SPDYE4: variants seen among roughly 807,000 people sequenced by gnomAD.
SPDYE4 encodes the protein speedy/RINGO cell cycle regulator family member E4.
In SPDYE4, 30 loss-of-function variants were observed where a neutral mutation model predicts 37.5. That is an observed-to-expected ratio of 0.80 (90% CI 0.60 to 1.09). The LOEUF is 1.09. Ranked by LOEUF, SPDYE4 falls within the 50% of genes least tolerant of loss-of-function variation. The pLI is 0.00. For missense variants in SPDYE4, 300 were observed against 307.9 expected (o/e 0.97, Z 0.19); for synonymous variants, 131 against 120.3 (o/e 1.09, Z -0.58).
At chr17:8,749,959 C>T (rs906537058), downstream of SPDYE4, among the ~76,000 whole-genome samples, 1 of 152,214 alleles carries the variant, frequency 6.6e-6, no homozygotes, top group Non-Finnish European at 1.5e-5. Context: ...TGTGGTTACA[C>T]AAACATCAAC....
rs1384401874 is a variant in SPDYE4 at position 8,751,473 on chromosome 17, A to C, written c.*809T>G. 6.6e-6 allele frequency among the ~76,000 whole-genome samples: 1 copy of C among 152,192 alleles called. No individual in the cohort carries two copies. Among genetic ancestry groups the C allele is most frequent in the Non-Finnish European group, 1.5e-5 (1 of 68,032 alleles). ...ATTCAGTAACAAACAGTAAACAGAA[A>C]ATAAACATTTCTATTTGCAAGAATG... On this transcript the variant is annotated 3_prime_UTR_variant, in exon 7 of 7. Transcript: ENST00000689094.
At chr17:8,756,249 C>T in intron 3 of SPDYE4, 129 bp downstream of exon 3, 1 of 860,852 alleles carries the variant, frequency 1.2e-6, no homozygotes, top group Admixed American at 2.3e-5. Flanking sequence ...TGTGGGCGCC[C>T]AAGAGTATGG....
intron 3 of SPDYE4, 132 bp from the exon 4 acceptor site, chr17:8,755,737 T>G: frequency 8.4e-7 from 1 of 1,192,092 alleles, no homozygotes; most frequent in Non-Finnish European, 1.2e-6. Flanking sequence ...TGGGTGACTA[T>G]GCTCATTGGG....
chr17:8,753,962 G>T (rs532231643), intron 4 of SPDYE4, among the ~76,000 whole-genome samples: 1 of 151,656 alleles, frequency 6.6e-6, no homozygotes, highest in African/African-American at 2.4e-5. Flanking sequence ...GTCTTCCCCC[G>T]TGCATCATAA....
Position 8,751,785 on chromosome 17 carries a change from TA to T in SPDYE4, c.*496del, listed in dbSNP as rs1233037760. 1.3e-5 allele frequency among the ~76,000 whole-genome samples: 2 copies of T among 152,256 alleles called. No homozygotes were observed. Among genetic ancestry groups the T allele is most frequent in the Non-Finnish European group, 2.9e-5 (2 of 68,004 alleles). On this transcript the variant is annotated 3_prime_UTR_variant, in exon 7 of 7. Coordinates refer to ENST00000689094, the MANE Select transcript of SPDYE4 (RefSeq NM_001394956.1). ...AATTCTATGGCCAACATTTGAAAAA[TA>T]AACCAACAAAATGTACAGTATCTAT...
chr17:8,757,198 T>C (rs2086779369), intron 2 of SPDYE4, 64 bp downstream of exon 2: 2 of 1,444,820 alleles, frequency 1.4e-6, no homozygotes, highest in Admixed American at 4.1e-5. Flanking sequence ...AAAGTGTGAT[T>C]ATTGAAAGAT....
chr17:8,747,608 A>G (rs1162477587), downstream of SPDYE4, among the ~76,000 whole-genome samples: 2 of 152,266 alleles, frequency 1.3e-5, no homozygotes, highest in Non-Finnish European at 2.9e-5. Context: ...AGGATATTCA[A>G]TGGGAATGAT....
downstream of SPDYE4, among the ~76,000 whole-genome samples, chr17:8,749,505 A>T (rs1033185108): frequency 6.6e-6 from 1 of 151,938 alleles, no homozygotes; most frequent in Admixed American, 6.6e-5. Flanking sequence ...TGATCTTGTG[A>T]TCTGCCCACC....
rs754409502 is a variant in SPDYE4 at position 8,753,359 on chromosome 17, G to T, written c.616C>A (p.Arg206Ser). ...KLRYQLLCSMRWRTWVSPEEM... is the reference protein window; with the variant it reads ...KLRYQLLCSMSWRTWVSPEEM... ...TCTGGGGAAACCCACGTCCTCCAGCGCATGGAACAGAGGAGCTGGTATCGA... is the reference window on the plus strand; with the variant it reads ...TCTGGGGAAACCCACGTCCTCCAGCTCATGGAACAGAGGAGCTGGTATCGA... The change falls in exon 5 of 7, where the codon CGC becomes AGC. Residue 206 changes from arginine (R) to serine (S), a missense_variant. Transcript: ENST00000689094. 6.8e-7 allele frequency: 1 copy of T among 1,468,766 alleles called. No homozygotes were observed. The allele number at this position is 1,468,766 out of a possible 1,614,324, so 91.0% of individuals were successfully genotyped here. A position where few individuals can be genotyped will look rare whatever the true frequency, so the allele number is the denominator to read the frequency against.
chr17:8,758,474 T>C lies in SPDYE4; in HGVS notation c.-92A>G, dbSNP rs1314526057. The C allele has an allele frequency of 8.3e-7, 1 of 1,201,612 alleles. No individual in the cohort carries two copies. The highest frequency in any genetic ancestry group is 1.3e-5 in the South Asian group (1 of 75,726). 74.4% of individuals were successfully genotyped at this position (1,201,612 alleles called of 1,614,324 possible). Reference sequence around the variant, plus strand: ...CAGACTCCGTTAGGACCCAGAAGAGTGCGTTTCTCTTCTAGAGGCTCGGGA... The same window carrying C: ...CAGACTCCGTTAGGACCCAGAAGAGCGCGTTTCTCTTCTAGAGGCTCGGGA... On this transcript the variant is annotated 5_prime_UTR_variant, in exon 1 of 7. Coordinates refer to ENST00000689094, the MANE Select transcript of SPDYE4 (RefSeq NM_001394956.1).
intron 1 of SPDYE4, 74 bp downstream of exon 1, chr17:8,758,200 G>T: frequency 7.9e-7 from 1 of 1,269,630 alleles, no homozygotes; most frequent in Non-Finnish European, 1.1e-6. Context: ...AGGTGCTTCA[G>T]ATTCCCAGTA....
At chr17:8,757,148 G>A in intron 2 of SPDYE4, 114 bp downstream of exon 2, 1 of 922,280 alleles carries the variant, frequency 1.1e-6, no homozygotes, top group Non-Finnish European at 1.7e-6. Context: ...CTCCTGCATG[G>A]AGCGCTCATC....
At chr17:8,756,307 G>A in intron 3 of SPDYE4, 71 bp downstream of exon 3, 1 of 1,459,600 alleles carries the variant, frequency 6.9e-7, no homozygotes, top group East Asian at 2.3e-5. Context: ...GAAACTGTGG[G>A]TTTAGACGCT....
chr17:8,756,734 T>C (rs1428388851), intron 2 of SPDYE4, among the ~76,000 whole-genome samples: 2 of 152,150 alleles, frequency 1.3e-5, no homozygotes, highest in Non-Finnish European at 2.9e-5. Flanking sequence ...GAAGTCATAA[T>C]AGAATTCCCA....
At chr17:8,755,024 T>C (rs865933416) in intron 4 of SPDYE4, among the ~76,000 whole-genome samples, 2 of 151,496 alleles carry the variant, frequency 1.3e-5, no homozygotes, top group African/African-American at 4.8e-5. Context: ...GAAGGGGGGG[T>C]GGGAGCTGTG....
At position 8,751,302 on chromosome 17, in the gene SPDYE4, AT is replaced by A. The variant is rs1271123746; in HGVS notation, c.*979del. Among the ~76,000 whole-genome samples the A allele has an allele frequency of 6.6e-6, 1 of 152,242 alleles. No homozygotes were observed. Among genetic ancestry groups the A allele is most frequent in the Non-Finnish European group, 1.5e-5 (1 of 68,036 alleles). On this transcript the variant is annotated 3_prime_UTR_variant, in exon 7 of 7. Transcript: ENST00000689094. ...TCATAAGAACAGTGTCTTTTAAAAA[AT>A]ACTTGTATTTCTAAACTAGTTAAAT...
chr17:8,750,589 A>G (rs1460612015), downstream of SPDYE4, among the ~76,000 whole-genome samples: 1 of 152,100 alleles, frequency 6.6e-6, no homozygotes, highest in Admixed American at 6.6e-5. Flanking sequence ...CTGTGCCTGT[A>G]GTCCCAGCTA....
At position 8,758,319 on chromosome 17, in the gene SPDYE4, G is replaced by A. The variant is rs1463425414; in HGVS notation, c.64C>T (p.Arg22Trp). Residue 22 changes from arginine to tryptophan, a missense_variant, in exon 1 of 7, where the codon CGG (arginine) becomes TGG (tryptophan). Transcript: ENST00000689094. ...TCATCCACCACCACCTCGGGGGACCGTACCGTTGTGCTAGGCTGGGGGCTC... is the reference window on the plus strand; with the variant it reads ...TCATCCACCACCACCTCGGGGGACCATACCGTTGTGCTAGGCTGGGGGCTC... ...EESPQPSTTV[R>W]SPEVVVDDEV... is the part of the protein sequence containing the mutation. 13 of 1,550,820 alleles carry A rather than the reference G, an allele frequency of 8.4e-6. No individual in the cohort carries two copies. The highest frequency in any genetic ancestry group is 7.2e-5 in the South Asian group (6 of 83,908).
downstream of SPDYE4, among the ~76,000 whole-genome samples, chr17:8,748,856 C>G (rs2086707614): frequency 6.6e-6 from 1 of 152,154 alleles, no homozygotes; most frequent in African/African-American, 2.4e-5. Flanking sequence ...TCATTGGATG[C>G]AGCAAGGGAC....
Sources: allele counts gnomAD v4.1 joint callset (sites outside exome capture counted in the v4.1 genomes callset), GRCh38; gene constraint gnomAD v4.1.1; transcripts MANE v1.5; gene names NCBI Gene and HGNC (gene_info 2026-07-23, HGNC 2026-07-21).